CRACDL: variants seen among roughly 807,000 people sequenced by gnomAD.
CRACDL encodes CRACD like.
A neutral mutation model predicts 70.6 loss-of-function variants in CRACDL; 26 were observed. That is an observed-to-expected ratio of 0.37 (90% CI 0.27 to 0.51). The LOEUF is 0.51. Ranked by LOEUF, CRACDL falls within the 20% of genes least tolerant of loss-of-function variation. The probability of loss-of-function intolerance (pLI) is 0.94; values close to 1 mark genes in which losing one functional copy is unlikely to be tolerated. For missense variants in CRACDL, 1,283 were observed against 1,376.9 expected, an observed-to-expected ratio of 0.93 and a Z score of 1.08; for synonymous variants, 618 against 615.2, an observed-to-expected ratio of 1.00 and a Z score of -0.07.
At chr2:98,814,221 TTTC>T (rs1704691006) in intron 7 of CRACDL, among the ~76,000 whole-genome samples, 1 of 152,170 alleles carries the variant, frequency 6.6e-6, no homozygotes, top group African/African-American at 2.4e-5. Context: ...TTAGTTTGCT[TTTC>T]TTTTTCTAGT....
intron 1 of CRACDL, among the ~76,000 whole-genome samples, chr2:98,886,657 T>C (rs1243359369): frequency 6.6e-6 from 1 of 152,230 alleles, no homozygotes. Context: ...AATCTCAGTC[T>C]GATCATTAGC....
chr2:98,824,006 G>A lies in CRACDL; in HGVS notation c.736-469C>T, dbSNP rs148420356. ...AGCAGGTGGCCGAGCTGAACAGCTG[G>A]GACTCTATGGCTCTGTGTTCCTCCC... On this transcript the variant is annotated intron_variant, in intron 6 of 9. Coordinates refer to ENST00000397899, the MANE Select transcript of CRACDL (RefSeq NM_207362.3). Among the ~76,000 whole-genome samples, 745 of 152,240 alleles carry A rather than the reference G, an allele frequency of 4.9e-3. 7 individuals carry two copies. The highest frequency in any genetic ancestry group is 0.017 in the African/African-American group (713 of 41,528).
intron 1 of CRACDL, among the ~76,000 whole-genome samples, chr2:98,859,845 T>C (rs1201289346): frequency 6.6e-6 from 1 of 152,128 alleles, no homozygotes; most frequent in South Asian, 2.1e-4. Flanking sequence ...AGCACTGAGA[T>C]TGAAAGGGAA....
At chr2:98,877,322 T>C (rs1277729882) in intron 1 of CRACDL, among the ~76,000 whole-genome samples, 1 of 152,238 alleles carries the variant, frequency 6.6e-6, no homozygotes, top group Non-Finnish European at 1.5e-5. Flanking sequence ...ATTATGGTCA[T>C]GCACCACGTA....
chr2:98,834,484 C>T (rs1429618046), intron 3 of CRACDL, among the ~76,000 whole-genome samples: 3 of 152,124 alleles, frequency 2.0e-5, no homozygotes. Flanking sequence ...ATGTTCACAG[C>T]ATGTCAGCAC....
intron 1 of CRACDL, among the ~76,000 whole-genome samples, chr2:98,889,354 C>G (rs966764673): frequency 2.8e-5 from 4 of 143,216 alleles, no homozygotes; most frequent in African/African-American, 1.0e-4. Context: ...GAAACAGTAA[C>G]CAAAACAGAG....
intron 1 of CRACDL, among the ~76,000 whole-genome samples, chr2:98,851,585 T>C (rs1573071338): frequency 6.6e-6 from 1 of 152,312 alleles, no homozygotes; most frequent in East Asian, 1.9e-4. Context: ...ATAGCAGGGT[T>C]CTGCCATCTA....
At chr2:98,917,180 T>C (rs6711003) in intron 1 of CRACDL, among the ~76,000 whole-genome samples, 1 of 152,236 alleles carries the variant, frequency 6.6e-6, no homozygotes, top group African/African-American at 2.4e-5. Flanking sequence ...GAAATGTTCC[T>C]AAGGGCCTCA....
chr2:98,827,363 C>T (rs554046168), intron 5 of CRACDL, among the ~76,000 whole-genome samples, 194 bp from the exon 6 acceptor site: 9 of 152,008 alleles, frequency 5.9e-5, no homozygotes, highest in African/African-American at 1.7e-4. Flanking sequence ...AGTGCAGTGG[C>T]GTGATCTCTG....
At chr2:98,837,605 C>T (rs1350379959) in intron 3 of CRACDL, among the ~76,000 whole-genome samples, 2 of 152,120 alleles carry the variant, frequency 1.3e-5, no homozygotes, top group Admixed American at 6.5e-5. Context: ...CTTTACTAGA[C>T]CTCCCCAGTT....
intron 7 of CRACDL, among the ~76,000 whole-genome samples, chr2:98,816,167 G>C (rs980912319): frequency 6.6e-6 from 1 of 152,154 alleles, no homozygotes; most frequent in African/African-American, 2.4e-5. Context: ...TTGCTATGGA[G>C]TCAACACTCA....
intron 1 of CRACDL, among the ~76,000 whole-genome samples, chr2:98,886,904 A>G (rs540060311): frequency 6.6e-6 from 1 of 152,356 alleles, no homozygotes; most frequent in East Asian, 1.9e-4. Context: ...GCCCAGTCAG[A>G]TCTGCTAGAC....
At chr2:98,872,503 T>C (rs1481868376) in intron 1 of CRACDL, among the ~76,000 whole-genome samples, 2 of 152,172 alleles carry the variant, frequency 1.3e-5, no homozygotes, top group Non-Finnish European at 2.9e-5. Context: ...ATGTGGACTA[T>C]TTGGGTGATG....
intron 1 of CRACDL, chr2:98,869,385 T>C (rs1051053250): frequency 6.5e-6 from 5 of 773,086 alleles, no homozygotes; most frequent in East Asian, 7.2e-5. Context: ...AGAAACGCAA[T>C]GCACTTCCGC....
chr2:98,913,268 C>T (rs1255441268), intron 1 of CRACDL, among the ~76,000 whole-genome samples: 4 of 152,184 alleles, frequency 2.6e-5, no homozygotes, highest in East Asian at 1.9e-4. Context: ...CTGTAACCCA[C>T]TTGTAAAGGA....
At chr2:98,819,627 A>G (rs1193916470) in intron 7 of CRACDL, among the ~76,000 whole-genome samples, 1 of 152,148 alleles carries the variant, frequency 6.6e-6, no homozygotes, top group Non-Finnish European at 1.5e-5. Flanking sequence ...CACGTTAGGA[A>G]TTTAAAGCAC....
chr2:98,874,788 A>G (rs984095590), intron 1 of CRACDL, among the ~76,000 whole-genome samples: 8 of 152,202 alleles, frequency 5.3e-5, no homozygotes, highest in African/African-American at 1.9e-4. Flanking sequence ...CACAGGGGAC[A>G]AATGCTGGTG....
chr2:98,841,152 C>T (rs1462227531), intron 2 of CRACDL, among the ~76,000 whole-genome samples: 1 of 152,112 alleles, frequency 6.6e-6, no homozygotes, highest in African/African-American at 2.4e-5. Flanking sequence ...GCTTCTGTAT[C>T]CTATTACTAT....
chr2:98,795,686 C>T (rs1703788469), intron 9 of CRACDL, among the ~76,000 whole-genome samples: 2 of 152,162 alleles, frequency 1.3e-5, no homozygotes, highest in African/African-American at 4.8e-5. Context: ...TACAGTTGTC[C>T]CCTGGTGTAT....
Sources: allele counts gnomAD v4.1 joint callset (sites outside exome capture counted in the v4.1 genomes callset), GRCh38; gene constraint gnomAD v4.1.1; transcripts MANE v1.5; gene names NCBI Gene and HGNC (gene_info 2026-07-23, HGNC 2026-07-21).